Variants in AGBL4 observed in about 807,000 individuals in gnomAD.
AGBL4 encodes cytosolic carboxypeptidase 6.
In AGBL4, 58 loss-of-function variants were observed where a neutral mutation model predicts 66.4. The ratio of observed to expected loss-of-function variants is 0.87; its 90% CI spans 0.71 to 1.09. The LOEUF (loss-of-function observed/expected upper bound fraction) is 1.09. AGBL4 is among the 50% of genes least tolerant of loss of function. The pLI, the probability that AGBL4 is intolerant of heterozygous loss-of-function variation, is 0.00. For missense variants in AGBL4, 579 were observed against 631.0 expected, an observed-to-expected ratio of 0.92 and a Z score of 0.88; for synonymous variants, 234 against 222.9, an observed-to-expected ratio of 1.05 and a Z score of -0.44.
At chr1:48,712,755 C>T (rs1646988221) in intron 6 of AGBL4, among the ~76,000 whole-genome samples, 1 of 152,180 alleles carries the variant, frequency 6.6e-6, no homozygotes, top group Non-Finnish European at 1.5e-5. Context: ...GGCTGGAGCT[C>T]AGGGCTCATG....
At chr1:48,949,869 C>T (rs1036403014) in intron 5 of AGBL4, among the ~76,000 whole-genome samples, 2 of 152,182 alleles carry the variant, frequency 1.3e-5, no homozygotes, top group Non-Finnish European at 2.9e-5. Context: ...TTTTAAATTA[C>T]TGAATTGAAA....
intron 10 of AGBL4, among the ~76,000 whole-genome samples, chr1:48,588,798 C>CAGAGA (rs547681818): frequency 0.21 from 23,962 of 112,888 alleles, 2,835 homozygotes; most frequent in East Asian, 0.27. Flanking sequence ...CATTGAGGAT[C>CAGAGA]AGAGAAGAGA....
intron 9 of AGBL4, among the ~76,000 whole-genome samples, chr1:48,592,180 G>T (rs557594334): frequency 2.6e-5 from 4 of 152,248 alleles, no homozygotes; most frequent in African/African-American, 9.6e-5. Flanking sequence ...TGACACTCAG[G>T]CCTCCTGCCC....
intron 3 of AGBL4, among the ~76,000 whole-genome samples, chr1:49,330,714 A>G (rs1056933561): frequency 4.2e-4 from 64 of 152,168 alleles, no homozygotes; most frequent in African/African-American, 1.5e-3. Flanking sequence ...TTACAAATAT[A>G]AAATAGTGTT....
intron 4 of AGBL4, among the ~76,000 whole-genome samples, chr1:49,066,263 G>T (rs1316901446): frequency 6.6e-6 from 1 of 152,146 alleles, no homozygotes; most frequent in African/African-American, 2.4e-5. Flanking sequence ...TTAAAAATGA[G>T]TCCCACTTGG....
intron 2 of AGBL4, among the ~76,000 whole-genome samples, chr1:49,832,641 C>T (rs1645723794): frequency 6.6e-6 from 1 of 151,242 alleles, no homozygotes; most frequent in South Asian, 2.1e-4. Flanking sequence ...TATTTCTCCA[C>T]ATCCTCTCCA....
chr1:49,144,406 C>G (rs943350115), intron 4 of AGBL4, among the ~76,000 whole-genome samples: 2 of 142,686 alleles, frequency 1.4e-5, no homozygotes, highest in South Asian at 4.8e-4. Context: ...GCACCGAACA[C>G]AAAATAGACA....
At chr1:49,060,666 T>TG (rs1402104787) in intron 4 of AGBL4, among the ~76,000 whole-genome samples, 1 of 151,978 alleles carries the variant, frequency 6.6e-6, no homozygotes. Flanking sequence ...ACACACTGAG[T>TG]GGGGTAATAC....
Position 49,283,138 on chromosome 1 carries a change from A to G in AGBL4, c.283-37274T>C, listed in dbSNP as rs554456907. Among the ~76,000 whole-genome samples the G allele has an allele frequency of 3.3e-5, 5 of 152,318 alleles. No homozygotes were observed. In the South Asian group the frequency reaches 1.0e-3, roughly 32 times the overall value. ...ATGTCCCTGTCTGACAGCTTTGAAGAGAGCAGTGGTTCTCCCAGCACGCAG... is the reference window on the plus strand; with the variant it reads ...ATGTCCCTGTCTGACAGCTTTGAAGGGAGCAGTGGTTCTCCCAGCACGCAG... On this transcript the variant is annotated intron_variant, in intron 3 of 13. Transcript: ENST00000371839.
chr1:49,400,463 G>C (rs375241965), intron 3 of AGBL4, among the ~76,000 whole-genome samples: 1 of 151,812 alleles, frequency 6.6e-6, no homozygotes, highest in African/African-American at 2.4e-5. Flanking sequence ...TCTGTAGATT[G>C]CTTTGGAGAG....
At chr1:49,026,789 TAAG>T (rs1274627112) in intron 5 of AGBL4, among the ~76,000 whole-genome samples, 1 of 152,164 alleles carries the variant, frequency 6.6e-6, no homozygotes, top group Non-Finnish European at 1.5e-5. Flanking sequence ...CTCATAAAAA[TAAG>T]AACCACTTCT....
intron 9 of AGBL4, among the ~76,000 whole-genome samples, chr1:48,612,168 T>C (rs1251039649): frequency 3.3e-5 from 5 of 152,258 alleles, no homozygotes; most frequent in Admixed American, 2.6e-4. Context: ...TTGGACAGAA[T>C]ATAACCACAT....
Position 49,305,132 on chromosome 1 carries a change from C to G in AGBL4, c.283-59268G>C, listed in dbSNP as rs373511709. On this transcript the variant is annotated intron_variant, in intron 3 of 13. Coordinates refer to ENST00000371839, the MANE Select transcript of AGBL4 (RefSeq NM_032785.4). ...ATACATGAACCCAAGCAATCTGGCT[C>G]CAGTGTCAACATTTATAATAAGCTA... Among the ~76,000 whole-genome samples, 163 of 152,226 alleles carry G rather than the reference C, an allele frequency of 1.1e-3. 1 individual carries two copies. The highest frequency in any genetic ancestry group is 3.8e-3 in the African/African-American group (157 of 41,524).
At chr1:49,052,248 G>A (rs1291817863) in intron 4 of AGBL4, among the ~76,000 whole-genome samples, 1 of 152,090 alleles carries the variant, frequency 6.6e-6, no homozygotes, top group African/African-American at 2.4e-5. Context: ...CCCTGGTCAT[G>A]GACAGCAACA....
At chr1:48,776,141 C>T (rs1371772225) in intron 6 of AGBL4, among the ~76,000 whole-genome samples, 3 of 152,100 alleles carry the variant, frequency 2.0e-5, no homozygotes, top group African/African-American at 7.2e-5. Flanking sequence ...TTGCTCCTCA[C>T]TCCAAGGAGG....
chr1:49,226,939 G>A (rs189880130), intron 4 of AGBL4, among the ~76,000 whole-genome samples: 2 of 152,286 alleles, frequency 1.3e-5, no homozygotes, highest in East Asian at 3.9e-4. Context: ...TCTGGTGAGA[G>A]CCCTTTCCCT....
chr1:48,916,530 GT>G, intron 5 of AGBL4, among the ~76,000 whole-genome samples: 1 of 151,158 alleles, frequency 6.6e-6, no homozygotes, highest in African/African-American at 2.4e-5. Flanking sequence ...CTGTAGTTCC[GT>G]TTTTTGTGTG....
intron 4 of AGBL4, among the ~76,000 whole-genome samples, chr1:49,211,099 G>C (rs1288975159): frequency 6.6e-6 from 1 of 152,022 alleles, no homozygotes; most frequent in African/African-American, 2.4e-5. Flanking sequence ...GTCTCTCAGG[G>C]ATAGAAAAAC....
At chr1:48,904,016 C>T (rs1271264231) in intron 5 of AGBL4, among the ~76,000 whole-genome samples, 1 of 152,162 alleles carries the variant, frequency 6.6e-6, no homozygotes, top group Non-Finnish European at 1.5e-5. Flanking sequence ...TGGTGGCTCA[C>T]AGCTGCAATC....
Sources: allele counts gnomAD v4.1 joint callset (sites outside exome capture counted in the v4.1 genomes callset), GRCh38; gene constraint gnomAD v4.1.1; transcripts MANE v1.5; gene names NCBI Gene and HGNC (gene_info 2026-07-23, HGNC 2026-07-21).